The following GALK2 variants were observed in gnomAD, a reference collection of about 807,000 sequenced individuals.
GALK2 encodes the protein galactokinase 2.
A neutral mutation model predicts 52.4 loss-of-function variants in GALK2; 36 were observed. The ratio of observed to expected loss-of-function variants is 0.69; its 90% CI spans 0.53 to 0.91. The LOEUF is 0.91. Ranked by LOEUF, GALK2 falls within the 40% of genes least tolerant of loss-of-function variation. GALK2 has a pLI of 0.00. For synonymous variants in GALK2, 176 were observed against 199.1 expected, an observed-to-expected ratio of 0.88 and a Z score of 0.98; for missense variants, 579 against 559.1, an observed-to-expected ratio of 1.04 and a Z score of -0.36.
In GALK2 at chr15:49,203,390, TGTTGA is replaced by T. The variant is rs537406412; in HGVS notation, c.142+2144_142+2148del. Among the ~76,000 whole-genome samples the T allele has an allele frequency of 2.3e-3, 356 of 152,318 alleles. 2 individuals are homozygous for T. Among genetic ancestry groups the T allele is most frequent in the African/African-American group, 7.8e-3 (325 of 41,578 alleles). ...TTAATTGGAATATTTGTTTTACTAC[TGTTGA>T]GTTAAGTTTTTTATATATTCTGGAG... On this transcript the variant is annotated intron_variant, in intron 2 of 9. Transcript: ENST00000560031.
rs575568003 is a variant in GALK2 at position 49,177,728 on chromosome 15, C to T, written c.53+7353C>T. The T allele has an allele frequency of 2.2e-4, 175 of 795,470 alleles. 1 individual carries two copies. In the African/African-American group the frequency reaches 2.7e-3, roughly 12 times the overall value. 49.3% of individuals were successfully genotyped at this position (795,470 alleles called of 1,614,324 possible). On this transcript the variant is annotated intron_variant, in intron 1 of 9. Transcript: ENST00000560031. ...ATCTTTCGGCCTGCAGATGTCAGCC[C>T]ATGCATCACCCTTTGCTTGTGGACT...
chr15:49,239,117 T>C, intron 4 of GALK2, 104 bp from the exon 5 acceptor site: 4 of 890,954 alleles, frequency 4.5e-6, no homozygotes, highest in East Asian at 2.5e-5. Flanking sequence ...ATAACTATTA[T>C]AAGTCTATTG....
intron 5 of GALK2, among the ~76,000 whole-genome samples, chr15:49,259,281 G>T (rs193032956): frequency 1.2e-3 from 181 of 151,260 alleles, no homozygotes; most frequent in Non-Finnish European, 1.9e-3. Context: ...CTGTTGTGCT[G>T]CACCCATTAA....
intron 9 of GALK2, among the ~76,000 whole-genome samples, chr15:49,324,400 C>CAAAAA (rs56869664): frequency 4.3e-5 from 4 of 93,438 alleles, no homozygotes; most frequent in African/African-American, 1.4e-4. Context: ...CATACCCTGT[C>CAAAAA]AAAAAAAAAA....
In GALK2 at chr15:49,295,428, G is replaced by A. The variant is rs1016226967; in HGVS notation, c.967+2891G>A. Among the ~76,000 whole-genome samples the A allele has an allele frequency of 2.2e-4, 33 of 151,776 alleles. 1 individual carries two copies. Among genetic ancestry groups the A allele is most frequent in the Non-Finnish European group, 1.5e-5 (1 of 67,934 alleles). On this transcript the variant is annotated intron_variant, in intron 8 of 9. Transcript: ENST00000560031. ...ATATCTAAATAGAGATGTAAAACAG[G>A]TAAAGATCCAAATGATATAATAATT...
At chr15:49,210,262 CT>C (rs2088717033) in intron 2 of GALK2, among the ~76,000 whole-genome samples, 3 of 151,242 alleles carry the variant, frequency 2.0e-5, no homozygotes, top group Non-Finnish European at 4.4e-5. Flanking sequence ...TTATGTTTAC[CT>C]TTTCATTTCA....
chr15:49,217,159 A>G (rs750114206), intron 2 of GALK2, 31 bp from the exon 3 acceptor site: 3 of 1,587,132 alleles, frequency 1.9e-6, no homozygotes, highest in Admixed American at 3.5e-5. Flanking sequence ...ATATATTAGC[A>G]ATGATTAAAA....
chr15:49,319,581 TC>T (rs1042701643), intron 8 of GALK2, 22 bp from the exon 9 acceptor site: 1 of 1,609,910 alleles, frequency 6.2e-7, no homozygotes. Flanking sequence ...CTAACCTCCT[TC>T]CCCATCCTCT....
intron 5 of GALK2, among the ~76,000 whole-genome samples, chr15:49,277,393 C>T (rs1284121713): frequency 1.4e-4 from 20 of 143,146 alleles, no homozygotes; most frequent in African/African-American, 4.8e-4. Context: ...TGGTCTCGAT[C>T]TCCTGACCTC....
intron 3 of GALK2, among the ~76,000 whole-genome samples, chr15:49,231,305 C>T (rs2090490280): frequency 6.6e-6 from 1 of 152,158 alleles, no homozygotes; most frequent in African/African-American, 2.4e-5. Flanking sequence ...ACAACCAAGT[C>T]AAGTGAGAAC....
At chr15:49,361,237 T>C (rs1011042106) in intron 3 of GALK2, among the ~76,000 whole-genome samples, 5 of 152,146 alleles carry the variant, frequency 3.3e-5, no homozygotes, top group African/African-American at 7.2e-5. Flanking sequence ...TTACCTATGA[T>C]GCAAATTTTT....
At chr15:49,357,770 C>T (rs1377448841) in intron 3 of GALK2, among the ~76,000 whole-genome samples, 1 of 151,996 alleles carries the variant, frequency 6.6e-6, no homozygotes, top group African/African-American at 2.4e-5. Context: ...CAAAGCCAAG[C>T]AGAGACACAA....
intron 1 of GALK2, among the ~76,000 whole-genome samples, chr15:49,200,321 C>T (rs977371408): frequency 1.4e-4 from 21 of 152,138 alleles, no homozygotes; most frequent in Admixed American, 6.5e-5. Flanking sequence ...CTGTGGTTTC[C>T]TGATACCCAG....
chr15:49,327,741 C>T, intron 9 of GALK2: 1 of 425,300 alleles, frequency 2.4e-6, no homozygotes. Flanking sequence ...GAGTCAAAAC[C>T]AGGGACTAGA....
chr15:49,217,349 T>C, intron 3 of GALK2, 36 bp downstream of exon 3: 1 of 1,601,580 alleles, frequency 6.2e-7, no homozygotes, highest in East Asian at 2.2e-5. Flanking sequence ...TGTGTATGTA[T>C]GGTTCTGTTT....
At chr15:49,243,263 C>G (rs1304395561) in intron 5 of GALK2, among the ~76,000 whole-genome samples, 1 of 152,146 alleles carries the variant, frequency 6.6e-6, no homozygotes, top group Non-Finnish European at 1.5e-5. Context: ...CTTGGGGACA[C>G]TGAGCACTGA....
At position 49,201,197 on chromosome 15, in the gene GALK2, T is replaced by C. The variant is rs751913991; in HGVS notation, c.89T>C (p.Phe30Ser). The C allele has an allele frequency of 1.2e-6, 2 of 1,609,970 alleles. No homozygotes were observed. Among genetic ancestry groups the C allele is most frequent in the Admixed American group, 1.7e-5 (1 of 59,986 alleles). The change falls in exon 2 of 10, where the codon TTT becomes TCT. Residue 30 changes from phenylalanine to serine, a missense_variant. Phe to Ser is a radical substitution (Grantham distance 155, BLOSUM62 -2). Coordinates refer to ENST00000560031, the MANE Select transcript of GALK2 (RefSeq NM_002044.4). ...LKLKEMFNSK[F>S]GSIPKFYVRA... ...CTAAAGGAGATGTTTAACTCCAAGT[T>C]TGGATCTATTCCCAAGTTTTATGTT...
chr15:49,167,937 A>G (rs1002367114), upstream of GALK2, among the ~76,000 whole-genome samples: 4 of 152,174 alleles, frequency 2.6e-5, no homozygotes, highest in Non-Finnish European at 4.4e-5. Flanking sequence ...TAATGTACAC[A>G]TTTTATTTTG....
At chr15:49,334,231 T>C, downstream of GALK2, 1 of 983,086 alleles carries the variant, frequency 1.0e-6, no homozygotes, top group Non-Finnish European at 1.2e-6. Flanking sequence ...TCAAGCTCCT[T>C]GTCAATTCTT....
Sources: allele counts gnomAD v4.1 joint callset (sites outside exome capture counted in the v4.1 genomes callset), GRCh38; gene constraint gnomAD v4.1.1; transcripts MANE v1.5; gene names NCBI Gene and HGNC (gene_info 2026-07-23, HGNC 2026-07-21).